Variants in FANCI observed in about 807,000 individuals in gnomAD.
The protein encoded by FANCI is FA complementation group I.
Under a neutral mutation model 176.1 loss-of-function variants are expected in FANCI, and 156 were observed. That is an observed-to-expected ratio of 0.89 (90% confidence interval 0.78 to 1.01). The LOEUF (loss-of-function observed/expected upper bound fraction) is 1.01. Ranked by LOEUF, FANCI falls within the 50% of genes least tolerant of loss-of-function variation. FANCI has a pLI of 0.00. For synonymous variants in FANCI, 613 were observed against 541.7 expected, an observed-to-expected ratio of 1.13 and a Z score of -1.83; for missense variants, 1,678 against 1,534.1, an observed-to-expected ratio of 1.09 and a Z score of -1.57.
chr15:89,283,645 G>A (rs896636599), intron 17 of FANCI, among the ~76,000 whole-genome samples: 2 of 151,866 alleles, frequency 1.3e-5, no homozygotes, highest in Non-Finnish European at 2.9e-5. Flanking sequence ...GTATGTGTTG[G>A]GTTACAGAAA....
chr15:89,293,885 T>G lies in FANCI; in HGVS notation c.2344T>G (p.Ser782Ala), dbSNP rs1241647539. 8 of 1,614,072 alleles carry G rather than the reference T, an allele frequency of 5.0e-6. No individual in the cohort carries two copies. The East Asian group carries it at 1.8e-4, about 36-fold the overall frequency. The change falls in exon 23 of 38, where the codon TCT becomes GCT. Residue 782 changes from serine (S) to alanine (A), a missense_variant. Ser to Ala is a moderately conservative substitution (Grantham distance 99). This residue lies in a region of FANCI where 1,204 missense variants were observed against 1,077.4 expected (regional missense o/e 1.12). Transcript: ENST00000310775. Reference sequence around the variant, plus strand: ...CTTATTTATGTGTTACAAAAAACTCTCTGACATTCTTAATGAAAAAGCGGG... The same window carrying G: ...CTTATTTATGTGTTACAAAAAACTCGCTGACATTCTTAATGAAAAAGCGGG... ...LSLFMCYKKL[S>A]DILNEKAGKA...
chr15:89,257,299 C>A (rs984310222), intron 2 of FANCI, among the ~76,000 whole-genome samples: 2 of 152,208 alleles, frequency 1.3e-5, no homozygotes, highest in Non-Finnish European at 2.9e-5. Flanking sequence ...GATCTATCTA[C>A]TTTTCTTCAT....
intron 1 of FANCI, among the ~76,000 whole-genome samples, chr15:89,244,993 C>A (rs2051881157): frequency 6.6e-6 from 1 of 152,088 alleles, no homozygotes; most frequent in Non-Finnish European, 1.5e-5. Context: ...TAAACAAAAC[C>A]AGCTACGGCC....
chr15:89,286,298 T>TA (rs1442827390), intron 18 of FANCI, among the ~76,000 whole-genome samples: 2 of 152,188 alleles, frequency 1.3e-5, no homozygotes, highest in Non-Finnish European at 2.9e-5. Flanking sequence ...TGGCCTAACT[T>TA]AGTTTTTATA....
chr15:89,278,084 A>G (rs2053475157), intron 13 of FANCI, among the ~76,000 whole-genome samples: 1 of 152,244 alleles, frequency 6.6e-6, no homozygotes, highest in Non-Finnish European at 1.5e-5. Context: ...AAGAGGCTCC[A>G]TTTGATTTCA....
At chr15:89,272,342 C>CT (rs1567151003) in intron 10 of FANCI, among the ~76,000 whole-genome samples, 1 of 152,032 alleles carries the variant, frequency 6.6e-6, no homozygotes, top group Non-Finnish European at 1.5e-5. Flanking sequence ...CTGACAAGCT[C>CT]TTTTTTATTT....
intron 2 of FANCI, among the ~76,000 whole-genome samples, chr15:89,256,017 A>T (rs1369920679): frequency 6.6e-6 from 1 of 152,264 alleles, no homozygotes; most frequent in Non-Finnish European, 1.5e-5. Flanking sequence ...TATAGCTAGT[A>T]AATGGCATAG....
chr15:89,263,737 A>T (rs549157332), intron 7 of FANCI, among the ~76,000 whole-genome samples, 166 bp from the exon 8 acceptor site: 1 of 152,216 alleles, frequency 6.6e-6, no homozygotes. Flanking sequence ...AGAAAAATCA[A>T]AAGGGACAGT....
rs750520404 is a variant in FANCI at position 89,263,971 on chromosome 15, T to G, written c.614T>G (p.Met205Arg). The stretch of plus-strand genomic sequence containing the variant: ...AAAGCATTGAGCATGTTCTCCAAGA[T>G]GAATCTTCAAGAAATACCACCTTTG... ...VEKALSMFSK[M>R]NLQEIPPLVY... Residue 205 changes from methionine (M) to arginine (R), a missense_variant, in exon 8 of 38, where the codon ATG becomes AGG. Physicochemically the swap from Met to Arg is moderately conservative, Grantham distance 91 (BLOSUM62 -1). Transcript: ENST00000310775. 2 of 1,614,012 alleles carry G rather than the reference T, an allele frequency of 1.2e-6. No individual in the cohort carries two copies. Among genetic ancestry groups the G allele is most frequent in the African/African-American group, 2.7e-5 (2 of 74,940 alleles).
intron 18 of FANCI, among the ~76,000 whole-genome samples, chr15:89,287,310 T>C (rs183492488): frequency 1.3e-5 from 2 of 152,294 alleles, no homozygotes; most frequent in East Asian, 3.9e-4. Context: ...CTTCTTTCCT[T>C]AAACCTCATG....
chr15:89,307,578 T>A (rs1369049654), intron 33 of FANCI, 35 bp from the exon 34 acceptor site: 1 of 1,614,244 alleles, frequency 6.2e-7, no homozygotes, highest in Non-Finnish European at 8.5e-7. Context: ...CTTTTACTGC[T>A]GGTTACATTG....
rs563407282 is a variant in FANCI, at chr15:89,261,501, T to G, written c.289-84T>G. ...TCTGGATCTCGGTCAATTCATTTAT[T>G]TCAGCAAAAGACTTTATTTCTTAGA... On this transcript the variant is annotated intron_variant, in intron 4 of 37. Transcript: ENST00000310775. 1.6e-4 allele frequency: 242 copies of G among 1,551,106 alleles called. No homozygotes were observed. The African/African-American group carries it at 3.0e-3, about 19-fold the overall frequency.
At chr15:89,264,430 T>C (rs1333552849) in intron 8 of FANCI, 92 bp from the exon 9 acceptor site, 1 of 987,970 alleles carries the variant, frequency 1.0e-6, no homozygotes, top group Non-Finnish European at 1.6e-6. Flanking sequence ...AAATTTGTAC[T>C]GGAGAATTCT....
At chr15:89,305,488 A>C in intron 30 of FANCI, 79 bp downstream of exon 30, 1 of 1,608,884 alleles carries the variant, frequency 6.2e-7, no homozygotes, top group Non-Finnish European at 8.5e-7. Flanking sequence ...CTTGTGTCCT[A>C]TAGCGGCTTG....
At position 89,258,690 on chromosome 15, in the gene FANCI, T is replaced by C; in HGVS notation, c.85-14T>C. On this transcript the variant is annotated splice_polypyrimidine_tract_variant and intron_variant, in intron 2 of 37. Transcript: ENST00000310775. ...ACTGTTGCCAGAGACTTGTACCTTTTTCTTTCTTTGCAGTTGACTAATCTC... is the reference window on the plus strand; with the variant it reads ...ACTGTTGCCAGAGACTTGTACCTTTCTCTTTCTTTGCAGTTGACTAATCTC... 2 of 1,609,828 alleles carry C rather than the reference T, an allele frequency of 1.2e-6. No individual in the cohort carries two copies. The highest frequency in any genetic ancestry group is 1.7e-6 in the Non-Finnish European group (2 of 1,176,120).
chr15:89,295,576 G>A (rs966453418), intron 24 of FANCI, among the ~76,000 whole-genome samples: 3 of 152,016 alleles, frequency 2.0e-5, no homozygotes, highest in African/African-American at 7.3e-5. Context: ...TGAGGCAGGA[G>A]AATTGCTCGA....
At chr15:89,285,499 C>T (rs1051709611) in intron 18 of FANCI, among the ~76,000 whole-genome samples, 4 of 152,220 alleles carry the variant, frequency 2.6e-5, no homozygotes, top group African/African-American at 4.8e-5. Flanking sequence ...TGGTGGCATG[C>T]GCCCGTGGTC....
chr15:89,283,343 G>C (rs2053689182), intron 17 of FANCI, 93 bp downstream of exon 17: 1 of 1,577,736 alleles, frequency 6.3e-7, no homozygotes, highest in Admixed American at 1.7e-5. Flanking sequence ...TGTTATGGTT[G>C]TAAGAATGAT....
At chr15:89,268,109 G>A (rs1025288769) in intron 9 of FANCI, among the ~76,000 whole-genome samples, 1 of 151,700 alleles carries the variant, frequency 6.6e-6, no homozygotes, top group African/African-American at 2.4e-5. Flanking sequence ...TTTTTTTGTT[G>A]TTGTTGAGAC....
Sources: gnomAD v4.1 joint callset for allele counts (sites outside exome capture counted in the v4.1 genomes callset) on GRCh38, gnomAD v4.1.1 for gene constraint, gnomAD v4.1.1 regional missense constraint, MANE v1.5 for transcripts, NCBI Gene and HGNC (gene_info 2026-07-23, HGNC 2026-07-21) for gene names.